Variants in HPSE2 observed in about 807,000 individuals in gnomAD.
HPSE2 encodes the protein heparanase 2 (inactive).
Under a neutral mutation model 60.5 loss-of-function variants are expected in HPSE2, and 38 were observed. The ratio of observed to expected loss-of-function variants is 0.63; its 90% confidence interval spans 0.48 to 0.82. The LOEUF is 0.82. Among genes scored for constraint, HPSE2 ranks in the 40% least tolerant of loss-of-function variants. The pLI, the probability that HPSE2 is intolerant of heterozygous loss-of-function variation, is 0.00. For synonymous variants in HPSE2, 295 were observed against 293.2 expected, an observed-to-expected ratio of 1.01 and a Z score of -0.06; for missense variants, 713 against 740.4, an observed-to-expected ratio of 0.96 and a Z score of 0.43.
rs982972238 is a variant in HPSE2 at position 98,601,056 on chromosome 10, G to A, written c.1320+13848C>T. Among the ~76,000 whole-genome samples the A allele has an allele frequency of 3.3e-5, 5 of 151,546 alleles. No homozygotes were observed. The East Asian group carries it at 9.8e-4, about 30-fold the overall frequency. On this transcript the variant is annotated intron_variant, in intron 9 of 11. Transcript: ENST00000370552. ...AAGTCCAAAATCTGTAGGGTAGGCT[G>A]CTGGCAGGGTGGAGACCCAGGGAAG...
At chr10:99,105,922 A>G (rs1399366600) in intron 3 of HPSE2, among the ~76,000 whole-genome samples, 1 of 152,138 alleles carries the variant, frequency 6.6e-6, no homozygotes, top group Non-Finnish European at 1.5e-5. Context: ...GTCAAAAATC[A>G]TAAGCGATTA....
At chr10:98,466,610 CAA>C (rs397965207) in intron 11 of HPSE2, among the ~76,000 whole-genome samples, 19 of 78,942 alleles carry the variant, frequency 2.4e-4, no homozygotes, top group Non-Finnish European at 2.3e-4. Flanking sequence ...GACTCCGTCT[CAA>C]AAAAAAAAAA....
chr10:98,579,928 T>C (rs1004673677), intron 9 of HPSE2, among the ~76,000 whole-genome samples: 3 of 152,220 alleles, frequency 2.0e-5, no homozygotes, highest in Admixed American at 1.3e-4. Context: ...TCCTCCATTC[T>C]TTTGCTCCAA....
At position 99,162,480 on chromosome 10, in the gene HPSE2, C is replaced by A. The variant is rs147030754; in HGVS notation, c.449-18081G>T. On this transcript the variant is annotated intron_variant, in intron 2 of 11. Transcript: ENST00000370552. ...GCTTCCCTCACACACAGGGACAGGGCTAAAACTAGTGCCACTCCCTTCCCT... is the reference window on the plus strand; with the variant it reads ...GCTTCCCTCACACACAGGGACAGGGATAAAACTAGTGCCACTCCCTTCCCT... Among the ~76,000 whole-genome samples the A allele has an allele frequency of 3.1e-3, 468 of 152,258 alleles. 3 individuals carry two copies. Among genetic ancestry groups the A allele is most frequent in the African/African-American group, 0.011 (446 of 41,556 alleles).
intron 5 of HPSE2, among the ~76,000 whole-genome samples, chr10:98,694,433 A>G (rs1948158309): frequency 6.6e-6 from 1 of 152,228 alleles, no homozygotes; most frequent in Admixed American, 6.5e-5. Context: ...AAGTACCATC[A>G]AATATGCCCC....
Position 98,956,634 on chromosome 10 carries a change from G to A in HPSE2, c.610+187604C>T, listed in dbSNP as rs1232390228. Reference sequence around the variant, plus strand: ...TATTCCAGGGAACACAACAGATAGAGAAGAGGAGAAAGAAGAATACACTTC... The same window carrying A: ...TATTCCAGGGAACACAACAGATAGAAAAGAGGAGAAAGAAGAATACACTTC... On this transcript the variant is annotated intron_variant, in intron 3 of 11. Coordinates refer to ENST00000370552, the MANE Select transcript of HPSE2 (RefSeq NM_021828.5). 2.0e-5 allele frequency among the ~76,000 whole-genome samples: 3 copies of A among 152,132 alleles called. 1 individual carries two copies. The highest frequency in any genetic ancestry group is 2.0e-4 in the Admixed American group (3 of 15,244).
At chr10:98,993,741 T>C (rs1051537721) in intron 3 of HPSE2, among the ~76,000 whole-genome samples, 1 of 152,172 alleles carries the variant, frequency 6.6e-6, no homozygotes, top group Non-Finnish European at 1.5e-5. Flanking sequence ...TTCAGCTTCA[T>C]GCATCACTTC....
intron 9 of HPSE2, among the ~76,000 whole-genome samples, chr10:98,515,281 C>A (rs1432985605): frequency 6.6e-6 from 1 of 152,178 alleles, no homozygotes; most frequent in Non-Finnish European, 1.5e-5. Context: ...AAGCCGGCTG[C>A]TTTACCTTTT....
chr10:99,213,644 G>GA (rs570782687), intron 2 of HPSE2, among the ~76,000 whole-genome samples: 4,838 of 140,836 alleles, frequency 0.034, 230 homozygotes, highest in African/African-American at 0.11. Context: ...CACGTTTTTA[G>GA]AAAAAAAAAA....
rs568788361 is a variant in HPSE2, at chr10:98,942,436, T to G, written c.611-198380A>C. ...GTGGGCAAAGGACATGAACAGACAC[T>G]TCTCAAAAGAAGACATTTATGCAGC... On this transcript the variant is annotated intron_variant, in intron 3 of 11. Transcript: ENST00000370552. Among the ~76,000 whole-genome samples, 26 of 150,022 alleles carry G rather than the reference T, an allele frequency of 1.7e-4. No individual in the cohort carries two copies. In the East Asian group the frequency reaches 2.7e-3, roughly 16 times the overall value.
At chr10:98,650,305 T>C (rs1179473425) in intron 6 of HPSE2, among the ~76,000 whole-genome samples, 2 of 152,364 alleles carry the variant, frequency 1.3e-5, no homozygotes, top group East Asian at 1.9e-4. Flanking sequence ...CATTGGACTG[T>C]CACGTTAGTG....
At chr10:98,689,205 G>A (rs771017025) in intron 6 of HPSE2, among the ~76,000 whole-genome samples, 6 of 151,688 alleles carry the variant, frequency 4.0e-5, no homozygotes, top group African/African-American at 9.7e-5. Context: ...TTTCCTGTTC[G>A]TCTGAACTCT....
At chr10:98,475,714 T>C (rs1940984151) in intron 11 of HPSE2, among the ~76,000 whole-genome samples, 1 of 121,966 alleles carries the variant, frequency 8.2e-6, no homozygotes. Context: ...TGGTTTTTAA[T>C]AATCCCTTTG....
At chr10:99,170,913 A>C (rs1847283376) in intron 2 of HPSE2, among the ~76,000 whole-genome samples, 1 of 152,372 alleles carries the variant, frequency 6.6e-6, no homozygotes, top group African/African-American at 2.4e-5. Context: ...TCTAAACAAT[A>C]GTGTAACAAA....
intron 6 of HPSE2, among the ~76,000 whole-genome samples, chr10:98,692,492 G>C (rs1948100174): frequency 6.6e-6 from 1 of 151,850 alleles, no homozygotes; most frequent in African/African-American, 2.4e-5. Context: ...CTTAAGGCCG[G>C]GCGCGGTGGC....
chr10:99,081,557 A>G (rs1312902914), intron 3 of HPSE2, among the ~76,000 whole-genome samples: 1 of 151,684 alleles, frequency 6.6e-6, no homozygotes, highest in Non-Finnish European at 1.5e-5. Context: ...AGAAGCTACT[A>G]GAGTGCTATT....
the HPSE2 span, among the ~76,000 whole-genome samples, chr10:99,287,388 A>G: frequency 2.6e-5 from 4 of 152,226 alleles, no homozygotes; most frequent in East Asian, 5.8e-4. Flanking sequence ...TCACCAGGCC[A>G]ACATGGAGTG....
chr10:98,640,009 CAAAT>C (rs1946597964), intron 7 of HPSE2, among the ~76,000 whole-genome samples: 2 of 152,126 alleles, frequency 1.3e-5, no homozygotes, highest in African/African-American at 4.8e-5. Context: ...AAGCAATAAA[CAAAT>C]GAATTAATGA....
chr10:99,103,218 G>A (rs1175664228), intron 3 of HPSE2, among the ~76,000 whole-genome samples: 1 of 152,152 alleles, frequency 6.6e-6, no homozygotes, highest in Non-Finnish European at 1.5e-5. Context: ...TGACATGATT[G>A]TATATCTAGA....
Sources: allele counts gnomAD v4.1 joint callset (sites outside exome capture counted in the v4.1 genomes callset), GRCh38; gene constraint gnomAD v4.1.1; transcripts MANE v1.5; gene names NCBI Gene and HGNC (gene_info 2026-07-23, HGNC 2026-07-21).